Variants in SYTL5 observed in about 807,000 individuals in gnomAD.
SYTL5 encodes synaptotagmin like 5.
Under a neutral mutation model 55.9 loss-of-function variants are expected in SYTL5, and 34 were observed. The observed-to-expected ratio is 0.61, with a 90% CI of 0.46 to 0.81. SYTL5 has a LOEUF of 0.81. Ranked by LOEUF, SYTL5 falls within the 30% of genes least tolerant of loss-of-function variation. The pLI, the probability that SYTL5 is intolerant of heterozygous loss-of-function variation, is 0.00. For synonymous variants in SYTL5, 221 were observed against 188.7 expected (o/e 1.17, Z -1.40); for missense variants, 637 against 546.7 (o/e 1.17, Z -1.65).
At chrX:37,982,203 A>G in the SYTL5 span, among the ~76,000 whole-genome samples, 1 of 112,007 alleles carries the variant, frequency 8.9e-6, no homozygotes, top group Non-Finnish European at 1.9e-5. Context: ...TGCCACATCA[A>G]ATAGAGTTTA....
chrX:38,125,388 G>C lies in SYTL5; in HGVS notation c.1932G>C (p.Met644Ile). Residue 644 changes from methionine (M) to isoleucine (I), a missense_variant, in exon 16 of 17, where the codon ATG becomes ATC. Physicochemically the swap from Met to Ile is conservative, Grantham distance 10 (BLOSUM62 1). Transcript: ENST00000297875. The part of the protein sequence containing the change: ...SVNPQWNHTF[M>I]FSGIHPQDIK... ...ACCCTCAGTGGAATCATACATTCATGTTCAGTGGCATCCATCCCCAGGATA... is the reference window on the plus strand; with the variant it reads ...ACCCTCAGTGGAATCATACATTCATCTTCAGTGGCATCCATCCCCAGGATA... 8.3e-7 allele frequency: 1 copy of C among 1,210,093 alleles called. No individual in the cohort carries two copies.
At chrX:38,079,169 G>A (rs565522449) in intron 6 of SYTL5, among the ~76,000 whole-genome samples, 8 of 111,697 alleles carry the variant, frequency 7.2e-5, no homozygotes, top group African/African-American at 2.6e-4. Flanking sequence ...AGTCTCTTTG[G>A]TCTATTGCCT....
At chrX:38,021,756 A>G (rs1422767231) in intron 1 of SYTL5, among the ~76,000 whole-genome samples, 1 of 111,847 alleles carries the variant, frequency 8.9e-6, no homozygotes, top group Non-Finnish European at 1.9e-5. Context: ...CTACTATGAA[A>G]CCTTTCAGAA....
chrX:38,112,019 G>A (rs1402424720), intron 13 of SYTL5, among the ~76,000 whole-genome samples: 1 of 110,869 alleles, frequency 9.0e-6, no homozygotes, highest in Non-Finnish European at 1.9e-5. Context: ...TTGTCAATGA[G>A]TGGTTCACAG....
the SYTL5 span, among the ~76,000 whole-genome samples, chrX:37,995,976 C>T: frequency 9.1e-6 from 1 of 109,901 alleles, no homozygotes; most frequent in Non-Finnish European, 1.9e-5. Flanking sequence ...AGGTGGTCAC[C>T]TTACAGTTTA....
At chrX:37,939,902 C>T in the SYTL5 span, among the ~76,000 whole-genome samples, 5 of 111,595 alleles carry the variant, frequency 4.5e-5, no homozygotes, top group African/African-American at 1.6e-4. Context: ...GCAATCTTGG[C>T]TCGCTGCAAA....
At chrX:37,975,880 C>T in the SYTL5 span, among the ~76,000 whole-genome samples, 1 of 111,261 alleles carries the variant, frequency 9.0e-6, no homozygotes, top group Admixed American at 9.6e-5. Context: ...CTTTAGATAT[C>T]GGTACATTTT....
chrX:37,889,591 G>A, the SYTL5 span, among the ~76,000 whole-genome samples: 1 of 111,119 alleles, frequency 9.0e-6, no homozygotes, highest in East Asian at 2.8e-4. Flanking sequence ...TTGAGTGGGG[G>A]GGATAATCAT....
intron 13 of SYTL5, among the ~76,000 whole-genome samples, chrX:38,120,025 C>T (rs913853268): frequency 8.9e-6 from 1 of 112,129 alleles, no homozygotes; most frequent in Non-Finnish European, 1.9e-5. Context: ...CTTCATATCC[C>T]AAACTATATA....
At position 38,020,797 on chromosome X, in the gene SYTL5, C is replaced by T. The variant is rs1237159928; in HGVS notation, c.-356-12737C>T. Among the ~76,000 whole-genome samples, 6 of 110,666 alleles carry T rather than the reference C, an allele frequency of 5.4e-5. No homozygotes were observed. The East Asian group carries it at 1.7e-3, about 31-fold the overall frequency. ...TTCTGAGCATCTGTTATATGCCAGG[C>T]ATTGTGCTAGACACTTTTTATACAT... On this transcript the variant is annotated intron_variant, in intron 1 of 16. Coordinates refer to ENST00000297875, the MANE Select transcript of SYTL5 (RefSeq NM_138780.3).
intron 2 of SYTL5, among the ~76,000 whole-genome samples, chrX:38,037,860 G>T (rs1204807020): frequency 9.1e-6 from 1 of 110,399 alleles, no homozygotes; most frequent in African/African-American, 3.3e-5. Context: ...TAAAGAATTG[G>T]CTCATATGAT....
At chrX:37,935,495 C>T in the SYTL5 span, among the ~76,000 whole-genome samples, 3 of 112,137 alleles carry the variant, frequency 2.7e-5, no homozygotes, top group East Asian at 5.5e-4. Context: ...TGTTTTTTCT[C>T]CTCTTTGATT....
the SYTL5 span, among the ~76,000 whole-genome samples, chrX:37,961,079 C>T: frequency 1.2e-4 from 13 of 110,725 alleles, no homozygotes; most frequent in African/African-American, 3.0e-4. Context: ...CCACCGCGCC[C>T]GGCCTCCTCC....
chrX:37,978,418 G>A, the SYTL5 span, among the ~76,000 whole-genome samples: 1 of 111,832 alleles, frequency 8.9e-6, no homozygotes, highest in Non-Finnish European at 1.9e-5. Context: ...ACGGCTTAGA[G>A]CCACCTTGTC....
chrX:37,928,088 A>C, the SYTL5 span, among the ~76,000 whole-genome samples: 1 of 112,405 alleles, frequency 8.9e-6, no homozygotes, highest in East Asian at 2.8e-4. Context: ...AATTGCAAAG[A>C]GGAAGTGAAG....
chrX:37,909,945 G>T, the SYTL5 span, among the ~76,000 whole-genome samples: 1 of 111,163 alleles, frequency 9.0e-6, no homozygotes, highest in Non-Finnish European at 1.9e-5. Flanking sequence ...AAAGTGCTGG[G>T]ATTACAAGCC....
the SYTL5 span, among the ~76,000 whole-genome samples, chrX:37,919,723 C>T: frequency 8.9e-6 from 1 of 111,967 alleles, no homozygotes; most frequent in Non-Finnish European, 1.9e-5. Context: ...CCACATGAAA[C>T]CTTTATTTGT....
At chrX:38,054,580 TGG>T (rs1935722980) in intron 3 of SYTL5, among the ~76,000 whole-genome samples, 158 bp downstream of exon 3, 1 of 51,760 alleles carries the variant, frequency 1.9e-5, no homozygotes, top group Non-Finnish European at 3.3e-5. Flanking sequence ...GGCAGGGCTC[TGG>T]GGTGTGTGTG....
At chrX:37,978,249 A>G in the SYTL5 span, among the ~76,000 whole-genome samples, 1 of 111,383 alleles carries the variant, frequency 9.0e-6, no homozygotes, top group African/African-American at 3.3e-5. Flanking sequence ...AAGAATTGAG[A>G]GTTGGTGCCC....
Sources: allele counts gnomAD v4.1 joint callset (sites outside exome capture counted in the v4.1 genomes callset), GRCh38; gene constraint gnomAD v4.1.1; transcripts MANE v1.5; gene names NCBI Gene and HGNC (gene_info 2026-07-23, HGNC 2026-07-21).